The following PTPRC variants were observed in gnomAD, a reference collection of about 807,000 sequenced individuals.
The protein encoded by PTPRC is protein tyrosine phosphatase receptor type C, also known as receptor-type tyrosine-protein phosphatase C.
PTPRC carries 44 observed loss-of-function variants against 155.9 expected under a neutral mutation model. That is an observed-to-expected ratio of 0.28 (90% CI 0.22 to 0.36). The LOEUF (loss-of-function observed/expected upper bound fraction) is 0.36. PTPRC is among the 10% of genes least tolerant of loss of function. The pLI is 1.00. For synonymous variants in PTPRC, 525 were observed against 533.1 expected (o/e 0.98, Z 0.21); for missense variants, 1,401 against 1,564.6 (o/e 0.90, Z 1.76).
chr1:198,738,850 G>A (rs949649514), intron 23 of PTPRC, among the ~76,000 whole-genome samples: 2 of 151,420 alleles, frequency 1.3e-5, no homozygotes, highest in Admixed American at 6.6e-5. Context: ...TCAGGTTTTG[G>A]GTACCAAAAA....
Position 198,699,568 on chromosome 1 carries a change from T to A in PTPRC, c.303T>A (p.Val101=). 1 of 1,614,192 alleles carries A rather than the reference T, an allele frequency of 6.2e-7. No homozygotes were observed. The highest frequency in any genetic ancestry group is 1.1e-5 in the South Asian group (1 of 91,086). ...DNASAFNTTG[V]SSVQTPHLPT... ...GATCTCACTTTCCTACCTTAGGTGTTTCATCAGTACAGACGCCTCACCTTC... is the reference window on the plus strand; with the variant it reads ...GATCTCACTTTCCTACCTTAGGTGTATCATCAGTACAGACGCCTCACCTTC... The change falls in exon 5 of 33, where the codon GTT becomes GTA. Residue 101 remains valine (V), a synonymous_variant. Transcript: ENST00000442510.
Position 198,639,153 on chromosome 1 carries a change from T to C in PTPRC, c.-44+16T>C. The C allele has an allele frequency of 1.2e-6, 1 of 843,538 alleles. No homozygotes were observed. 52.3% of individuals were successfully genotyped at this position (843,538 alleles called of 1,614,324 possible). ...ACAGTGGAGAGTATGCATTTATTTA[T>C]TTACTTTTACATTTTTGATTCGTTT... On this transcript the variant is annotated intron_variant, in intron 1 of 32. Transcript: ENST00000442510.
intron 26 of PTPRC, among the ~76,000 whole-genome samples, chr1:198,747,378 T>C (rs1655181351): frequency 1.3e-5 from 2 of 151,714 alleles, no homozygotes; most frequent in African/African-American, 4.8e-5. Flanking sequence ...GGAGAAACAG[T>C]CAGGGGCGTA....
At chr1:198,726,490 T>C (rs1225107576) in intron 15 of PTPRC, among the ~76,000 whole-genome samples, 1 of 152,218 alleles carries the variant, frequency 6.6e-6, no homozygotes, top group Non-Finnish European at 1.5e-5. Context: ...TTCTATTTTA[T>C]ATATGAGGAA....
intron 3 of PTPRC, chr1:198,694,142 T>C: frequency 2.6e-6 from 4 of 1,533,986 alleles, no homozygotes; most frequent in Non-Finnish European, 3.5e-6. Flanking sequence ...ACCACTGGAG[T>C]AAGTCCAAGA....
rs1232612642 is a variant in PTPRC, at chr1:198,757,401, A to ATTGT, written c.*1223_*1226dup. 1 of 150,620 alleles carries ATTGT rather than the reference A, an allele frequency of 6.6e-6. No individual in the cohort carries two copies. Among genetic ancestry groups the ATTGT allele is most frequent in the African/African-American group, 2.4e-5 (1 of 41,160 alleles). The allele number at this position is 150,620 out of a possible 1,614,324, so 9.3% of individuals were successfully genotyped here. On this transcript the variant is annotated 3_prime_UTR_variant, in exon 33 of 33. Coordinates refer to ENST00000442510, the MANE Select transcript of PTPRC (RefSeq NM_002838.5). ...GCCCCAATTATCCAATAGTCTAATA[A>ATTGT]TTGTTTAAGATCTAGAAAAAAAAAA...
At chr1:198,737,678 A>ATTTT (rs1654713055) in intron 23 of PTPRC, among the ~76,000 whole-genome samples, 2 of 151,494 alleles carry the variant, frequency 1.3e-5, no homozygotes, top group Admixed American at 1.3e-4. Flanking sequence ...TATTAGGATT[A>ATTTT]TTTTTTCTAT....
In PTPRC at chr1:198,713,214, G is replaced by C. The variant is rs72738052; in HGVS notation, c.1291+142G>C. ...TAGTATACTCCCTGATCTTAGAATT[G>C]CTTCCACTCATTCAAAGCTTTCCAG... On this transcript the variant is annotated intron_variant, in intron 12 of 32. Transcript: ENST00000442510. The C allele has an allele frequency of 0.015, 17,650 of 1,190,658 alleles. 199 individuals carry two copies. The highest frequency in any genetic ancestry group is 0.015 in the Non-Finnish European group (13,070 of 843,590). 73.8% of individuals were successfully genotyped at this position (1,190,658 alleles called of 1,614,324 possible). A position where few individuals can be genotyped will look rare whatever the true frequency, so the allele number is the denominator to read the frequency against.
intron 27 of PTPRC, 111 bp from the exon 28 acceptor site, chr1:198,749,305 G>C: frequency 9.0e-7 from 1 of 1,107,732 alleles, no homozygotes; most frequent in South Asian, 1.3e-5. Flanking sequence ...AGATCAGTAA[G>C]TTTTCATAAT....
At chr1:198,754,960 C>T (rs1655560534) in intron 32 of PTPRC, among the ~76,000 whole-genome samples, 2 of 152,068 alleles carry the variant, frequency 1.3e-5, no homozygotes, top group African/African-American at 4.8e-5. Context: ...AGTGAGTGGG[C>T]CACATGTCCC....
chr1:198,709,585 T>C, intron 10 of PTPRC, 102 bp from the exon 11 acceptor site: 1 of 1,024,380 alleles, frequency 9.8e-7, no homozygotes. Context: ...TGTTTCAATC[T>C]GATAAATATT....
chr1:198,640,621 A>G (rs539870942), intron 2 of PTPRC, among the ~76,000 whole-genome samples: 2 of 152,166 alleles, frequency 1.3e-5, no homozygotes, highest in South Asian at 2.1e-4. Context: ...AATAAAAAGT[A>G]AATTATAAAG....
rs1557979011 is a variant in PTPRC, at chr1:198,665,079, C to CCTTTTTTTTTTTTTTTTTTTTTTTTT, written c.73+25738_73+25739insCTTTTTTTTTTTTTTTTTTTTTTTTT. The stretch of plus-strand genomic sequence containing the variant: ...GAGTGTTTTTAGAACATCCCGGCAG[C>CCTTTTTTTTTTTTTTTTTTTTTTTTT]ATTTTTTTTTTTTTTTTTTTTTTTT... On this transcript the variant is annotated intron_variant, in intron 2 of 32. Coordinates refer to ENST00000442510, the MANE Select transcript of PTPRC (RefSeq NM_002838.5). Among the ~76,000 whole-genome samples, 3 of 102,244 alleles carry CCTTTTTTTTTTTTTTTTTTTTTTTTT rather than the reference C, an allele frequency of 2.9e-5. 1 individual carries two copies. The allele number at this position is 102,244 out of a possible 152,430, so 67.1% of individuals were successfully genotyped here.
rs756761556 is a variant in PTPRC at position 198,729,212 on chromosome 1, G to T, written c.1864+41G>T. The stretch of plus-strand genomic sequence containing the variant: ...TTTGCTGATGACTATTCCTTCCCCT[G>T]CATTTGAATCCATTCATTTTATTTA... On this transcript the variant is annotated intron_variant, in intron 17 of 32. Transcript: ENST00000442510. 11 of 1,567,676 alleles carry T rather than the reference G, an allele frequency of 7.0e-6. No individual in the cohort carries two copies. The East Asian group carries it at 2.3e-4, about 33-fold the overall frequency.
intron 2 of PTPRC, among the ~76,000 whole-genome samples, chr1:198,665,944 A>G (rs1664273154): frequency 6.6e-6 from 1 of 152,148 alleles, no homozygotes; most frequent in African/African-American, 2.4e-5. Context: ...AGCAAAGGGC[A>G]GGTCATCATC....
chr1:198,687,533 A>G (rs180949682), intron 2 of PTPRC, among the ~76,000 whole-genome samples: 46 of 152,070 alleles, frequency 3.0e-4, no homozygotes, highest in African/African-American at 1.0e-3. Context: ...CTTGTTTCAT[A>G]TATAAAGGCA....
intron 20 of PTPRC, among the ~76,000 whole-genome samples, chr1:198,733,268 A>G (rs1033369662): frequency 2.0e-5 from 3 of 151,514 alleles, no homozygotes; most frequent in African/African-American, 7.3e-5. Context: ...AAATAACTAT[A>G]TTTTCTATTC....
At chr1:198,657,811 C>G (rs1171153010) in intron 2 of PTPRC, 1 of 152,134 alleles carries the variant, frequency 6.6e-6, no homozygotes, top group African/African-American at 2.4e-5. Flanking sequence ...TTGAATGTCT[C>G]TGCTTTACTC....
chr1:198,673,430 A>G (rs1664764268), intron 2 of PTPRC, among the ~76,000 whole-genome samples: 1 of 152,178 alleles, frequency 6.6e-6, no homozygotes, highest in Non-Finnish European at 1.5e-5. Context: ...CATACTTCAT[A>G]TTATTACAAT....
Sources: allele counts gnomAD v4.1 joint callset (sites outside exome capture counted in the v4.1 genomes callset), GRCh38; gene constraint gnomAD v4.1.1; transcripts MANE v1.5; gene names NCBI Gene and HGNC (gene_info 2026-07-23, HGNC 2026-07-21).